Variants in DPH1 observed in about 807,000 individuals in gnomAD.
The protein encoded by DPH1 is 2-(3-amino-3-carboxypropyl)histidine synthase subunit 1.
In DPH1, 59 loss-of-function variants were observed where a neutral mutation model predicts 55.3. The ratio of observed to expected loss-of-function variants is 1.07; its 90% confidence interval spans 0.87 to 1.33. DPH1 has a LOEUF of 1.33. DPH1 is among the 40% of genes most tolerant of loss of function. The pLI is 0.00. For synonymous variants in DPH1, 238 were observed against 235.5 expected (o/e 1.01, Z -0.10); for missense variants, 628 against 584.8 (o/e 1.07, Z -0.76).
chr17:2,041,868 G>A lies in DPH1; in HGVS notation c.*11G>A. The A allele has an allele frequency of 2.5e-6, 4 of 1,583,350 alleles. No homozygotes were observed. Among genetic ancestry groups the A allele is most frequent in the South Asian group, 2.3e-5 (2 of 87,612 alleles). The stretch of plus-strand genomic sequence containing the variant: ...CCGCTGGCTCCTTGACGCGCTCCCG[G>A]GCCTCAGGTATCAGCCCCCGCTCTG... On this transcript the variant is annotated 3_prime_UTR_variant, in exon 12 of 13. Coordinates refer to ENST00000263083, the MANE Select transcript of DPH1 (RefSeq NM_001383.6).
intron 3 of DPH1, 85 bp from the exon 4 acceptor site, chr17:2,035,885 C>T (rs2067416046): frequency 1.9e-6 from 3 of 1,574,500 alleles, no homozygotes; most frequent in Middle Eastern, 1.7e-4. Context: ...AGGAGCTGGG[C>T]CCTGAGACAC....
chr17:2,043,208 A>G lies in DPH1; in HGVS notation c.*622A>G. On this transcript the variant is annotated 3_prime_UTR_variant, in exon 13 of 13. Coordinates refer to ENST00000263083, the MANE Select transcript of DPH1 (RefSeq NM_001383.6). ...CCACTCACTGCTGTGAGTGCGCCTCACCAGAACCAGTTAAGAGACAACTAT... is the reference window on the plus strand; with the variant it reads ...CCACTCACTGCTGTGAGTGCGCCTCGCCAGAACCAGTTAAGAGACAACTAT... The G allele has an allele frequency of 7.4e-7, 1 of 1,359,294 alleles. No homozygotes were observed. The highest frequency in any genetic ancestry group is 1.4e-5 in the South Asian group (1 of 73,272). The allele number at this position is 1,359,294 out of a possible 1,614,324, so 84.2% of individuals were successfully genotyped here.
At position 2,042,635 on chromosome 17, in the gene DPH1, G is replaced by C. The variant is rs765281802; in HGVS notation, c.*49G>C. ...TGCCCTCCGGAGGAGCAGCCTCGAG[G>C]CTGGTGGTTTTCAGAGCAGGAGGCC... On this transcript the variant is annotated 3_prime_UTR_variant, in exon 13 of 13. Transcript: ENST00000263083. 8 of 1,520,504 alleles carry C rather than the reference G, an allele frequency of 5.3e-6. No homozygotes were observed. In the South Asian group the frequency reaches 1.1e-4, roughly 20 times the overall value. 94.2% of individuals were successfully genotyped at this position (1,520,504 alleles called of 1,614,324 possible).
chr17:2,042,162 C>T, intron 12 of DPH1: 2 of 1,483,094 alleles, frequency 1.3e-6, no homozygotes, highest in Admixed American at 2.4e-5. Context: ...TCGCGCCGAG[C>T]TCGTGTGCCT....
Position 2,043,005 on chromosome 17 carries a change from C to G in DPH1, c.*419C>G. On this transcript the variant is annotated 3_prime_UTR_variant, in exon 13 of 13. Coordinates refer to ENST00000263083, the MANE Select transcript of DPH1 (RefSeq NM_001383.6). ...GTGTGCAACTGGCCAGCCAATTTCCCGGAGCCATCACCCTCACCCACTCTG... is the reference window on the plus strand; with the variant it reads ...GTGTGCAACTGGCCAGCCAATTTCCGGGAGCCATCACCCTCACCCACTCTG... 1.2e-6 allele frequency: 2 copies of G among 1,614,126 alleles called. No homozygotes were observed.
intron 3 of DPH1, among the ~76,000 whole-genome samples, chr17:2,035,516 G>A (rs183177865): frequency 6.0e-4 from 76 of 126,676 alleles, no homozygotes; most frequent in Middle Eastern, 4.0e-3. Flanking sequence ...GGCCCTGCCT[G>A]TGGTGGGGAG....
At chr17:2,038,475 C>T (rs1161728935) in intron 6 of DPH1, among the ~76,000 whole-genome samples, 1 of 152,174 alleles carries the variant, frequency 6.6e-6, no homozygotes, top group Non-Finnish European at 1.5e-5. Context: ...TGTTAGGAAA[C>T]CTGCCGCACA....
chr17:2,030,905 T>G (rs11078780), intron 1 of DPH1, among the ~76,000 whole-genome samples: 53,231 of 152,054 alleles, frequency 0.35, 9,641 homozygotes, highest in Admixed American at 0.41. Context: ...CGTTCAAATC[T>G]GATCTCAGGG....
Position 2,043,434 on chromosome 17 carries a change from ATC to A in DPH1, c.*850_*851del. On this transcript the variant is annotated 3_prime_UTR_variant, in exon 13 of 13. Coordinates refer to ENST00000263083, the MANE Select transcript of DPH1 (RefSeq NM_001383.6). ...TAAAGTGGTGATTTGGATTTTGAGC[ATC>A]TTTTTCCTGGTACACACAGAAAAAC... The A allele has an allele frequency of 3.6e-6, 1 of 278,770 alleles. No individual in the cohort carries two copies. The highest frequency in any genetic ancestry group is 7.4e-5 in the South Asian group (1 of 13,454). The allele number at this position is 278,770 out of a possible 1,614,324, so 17.3% of individuals were successfully genotyped here. A position where few individuals can be genotyped will look rare whatever the true frequency, so the allele number is the denominator to read the frequency against.
At chr17:2,037,837 C>T (rs2067449600) in intron 6 of DPH1, among the ~76,000 whole-genome samples, 1 of 152,218 alleles carries the variant, frequency 6.6e-6, no homozygotes, top group African/African-American at 2.4e-5. Flanking sequence ...CTCAGACACA[C>T]TGCTTCCTAG....
chr17:2,041,175 CTA>C lies in DPH1; in HGVS notation c.1082_1083del (p.Tyr361Ter). 1 of 1,604,192 alleles carries C rather than the reference CTA, an allele frequency of 6.2e-7. No homozygotes were observed. The highest frequency in any genetic ancestry group is 8.5e-7 in the Non-Finnish European group (1 of 1,175,098). On this transcript the variant is annotated frameshift_variant, in exon 10 of 13. Transcript: ENST00000263083. LOFTEE classifies it high-confidence loss of function. ...CCTTCCCCAAGCCGCTGCTGACACC[CTA>C]TGAGGTAACACCAAGCTCTGGGAGA... ...TAFPKPLLTPYEAAVALRDIS... is the reference protein window; with the variant it reads ...TAFPKPLLTPXEAAVALRDIS...
Position 2,033,541 on chromosome 17 carries a change from C to G in DPH1, c.98C>G (p.Pro33Arg). 6.2e-7 allele frequency: 1 copy of G among 1,614,200 alleles called. No individual in the cohort carries two copies. Among genetic ancestry groups the G allele is most frequent in the Non-Finnish European group, 8.5e-7 (1 of 1,180,052 alleles). ...CGGGGCCGCGTGGCCAATCAGATCC[C>G]CCCTGAGATCCTGAAGAACCCTCAG... ...APRGRVANQI[P>R]PEILKNPQLQ... The change falls in exon 2 of 13, where the codon CCC (proline) becomes CGC (arginine). Residue 33 changes from proline to arginine, a missense_variant. Coordinates refer to ENST00000263083, the MANE Select transcript of DPH1 (RefSeq NM_001383.6).
chr17:2,042,213 G>C (rs1323176171), intron 12 of DPH1: 1 of 1,431,564 alleles, frequency 7.0e-7, no homozygotes, highest in Non-Finnish European at 9.1e-7. Flanking sequence ...GGGCCCCGAG[G>C]GCGCCAGATC....
chr17:2,038,666 C>T (rs886348888), intron 6 of DPH1, among the ~76,000 whole-genome samples: 2 of 152,200 alleles, frequency 1.3e-5, no homozygotes, highest in Admixed American at 1.3e-4. Context: ...GAGACAGTTT[C>T]ATCCTGAAAC....
chr17:2,033,848 G>A lies in DPH1; in HGVS notation c.278+6G>A. On this transcript the variant is annotated splice_donor_region_variant and intron_variant, in intron 3 of 12. Coordinates refer to ENST00000263083, the MANE Select transcript of DPH1 (RefSeq NM_001383.6). ...ATTGTGGATATCTTGGAAAGGTGAG[G>A]CTTGGGGCACTGGAGAGGAGGGTGA... The A allele has an allele frequency of 6.2e-7, 1 of 1,614,040 alleles. No homozygotes were observed. The highest frequency in any genetic ancestry group is 8.5e-7 in the Non-Finnish European group (1 of 1,180,026).
intron 7 of DPH1, 23 bp from the exon 8 acceptor site, chr17:2,040,195 G>T: frequency 6.2e-7 from 1 of 1,612,498 alleles, no homozygotes. Flanking sequence ...CTGCCACAGT[G>T]ACCCTGACTG....
intron 12 of DPH1, 153 bp downstream of exon 12, chr17:2,042,028 G>T: frequency 6.7e-7 from 1 of 1,500,320 alleles, no homozygotes; most frequent in South Asian, 1.2e-5. Flanking sequence ...CGGTGCTTCC[G>T]TCGCTCCTTG....
chr17:2,036,881 A>G lies in DPH1; in HGVS notation c.605A>G (p.Gln202Arg). 6.2e-7 allele frequency: 1 copy of G among 1,613,776 alleles called. No individual in the cohort carries two copies. ...GCCGAGTATCGTGTGAGTGTCCCACAGTGCAAGCCCCTGTCCCCTGGAGAG... is the reference window on the plus strand; with the variant it reads ...GCCGAGTATCGTGTGAGTGTCCCACGGTGCAAGCCCCTGTCCCCTGGAGAG... ...LKAEYRVSVP[Q>R]CKPLSPGEIL... Residue 202 changes from glutamine to arginine, a missense_variant, in exon 6 of 13, where the codon CAG becomes CGG. Physicochemically the swap from Gln to Arg is conservative, Grantham distance 43 (BLOSUM62 1). Transcript: ENST00000263083. This position sits in a 1 kb window ranked among gnomAD's most constrained non-coding sequence, Gnocchi z 4.8.
Position 2,042,706 on chromosome 17 carries a change from G to C in DPH1, c.*120G>C. 1 of 1,552,826 alleles carries C rather than the reference G, an allele frequency of 6.4e-7. No homozygotes were observed. Among genetic ancestry groups the C allele is most frequent in the Non-Finnish European group, 8.7e-7 (1 of 1,152,750 alleles). On this transcript the variant is annotated 3_prime_UTR_variant, in exon 13 of 13. Transcript: ENST00000263083. ...AGAGCCCGCCGTCTGCAGGGGCCTG[G>C]AGGAATCACTGGGGATGGTGGCACA...
Sources: allele counts gnomAD v4.1 joint callset (sites outside exome capture counted in the v4.1 genomes callset), GRCh38; gene constraint gnomAD v4.1.1; non-coding constraint Gnocchi (gnomAD v3.1); transcripts MANE v1.5; gene names NCBI Gene and HGNC (gene_info 2026-07-23, HGNC 2026-07-21).